The following ESR1 variants were observed in gnomAD, a reference collection of about 807,000 sequenced individuals.
ESR1 encodes the protein estrogen receptor 1.
Under a neutral mutation model 52.7 loss-of-function variants are expected in ESR1, and 12 were observed. The ratio of observed to expected loss-of-function variants is 0.23; its 90% CI spans 0.15 to 0.37. The LOEUF is 0.37. ESR1 is among the 10% of genes least tolerant of loss of function. The probability of loss-of-function intolerance (pLI) is 1.00; values close to 1 mark genes in which losing one functional copy is unlikely to be tolerated. For synonymous variants in ESR1, 305 were observed against 316.8 expected (o/e 0.96, Z 0.39); for missense variants, 584 against 779.7 (o/e 0.75, Z 2.99).
chr6:151,822,578 T>C (rs1562443110), intron 1 of ESR1, among the ~76,000 whole-genome samples: 1 of 152,172 alleles, frequency 6.6e-6, no homozygotes, highest in African/African-American at 2.4e-5. Context: ...TCATTTTAAA[T>C]CTTCCCGAAG....
intron 6 of ESR1, among the ~76,000 whole-genome samples, chr6:152,084,960 A>G (rs1033120190): frequency 2.6e-5 from 4 of 152,208 alleles, no homozygotes; most frequent in Non-Finnish European, 5.9e-5. Flanking sequence ...AGCTGATAGG[A>G]TGCACTGAAG....
intron 1 of ESR1, among the ~76,000 whole-genome samples, chr6:151,823,645 C>T (rs1248270711): frequency 1.3e-5 from 2 of 151,882 alleles, no homozygotes; most frequent in Admixed American, 6.6e-5. Context: ...CGACAGGTCC[C>T]GGAGTGTGAT....
downstream of ESR1, among the ~76,000 whole-genome samples, chr6:152,104,757 G>C (rs572421018): frequency 2.0e-5 from 3 of 152,158 alleles, no homozygotes; most frequent in East Asian, 3.9e-4. Context: ...GAATTTCCTG[G>C]GCAATAGAAA....
chr6:151,679,911 C>G (rs1778391998), intron 1 of ESR1, among the ~76,000 whole-genome samples: 1 of 152,206 alleles, frequency 6.6e-6, no homozygotes, highest in Non-Finnish European at 1.5e-5. Flanking sequence ...CTCAGTCACC[C>G]TGTCTGATCA....
intron 4 of ESR1, among the ~76,000 whole-genome samples, chr6:151,959,963 C>A (rs1274167212): frequency 6.6e-6 from 1 of 152,130 alleles, no homozygotes; most frequent in Non-Finnish European, 1.5e-5. Flanking sequence ...GTTTATAAAT[C>A]CATGGAGCCA....
At position 152,100,900 on chromosome 6, in the gene ESR1, A is replaced by G. The variant is rs995400393; in HGVS notation, c.*1934A>G. The G allele has an allele frequency of 6.1e-5, 14 of 230,924 alleles. No individual in the cohort carries two copies. The highest frequency in any genetic ancestry group is 2.7e-4 in the African/African-American group (12 of 45,236). 14.3% of individuals were successfully genotyped at this position (230,924 alleles called of 1,614,324 possible). On this transcript the variant is annotated 3_prime_UTR_variant, in exon 8 of 8. Transcript: ENST00000206249. Reference sequence around the variant, plus strand: ...TTTAAGAAGCACCTTAGTTTGTTTAAGAAGCACCTTATATAGTATAATATA... The same window carrying G: ...TTTAAGAAGCACCTTAGTTTGTTTAGGAAGCACCTTATATAGTATAATATA...
chr6:152,082,983 A>T (rs777867000), intron 6 of ESR1, among the ~76,000 whole-genome samples: 3 of 152,228 alleles, frequency 2.0e-5, no homozygotes, highest in Non-Finnish European at 4.4e-5. Context: ...CAAATGGAAG[A>T]ACATTCCATG....
intron 2 of ESR1, among the ~76,000 whole-genome samples, chr6:151,877,215 C>G (rs1033637002): frequency 5.3e-5 from 8 of 152,060 alleles, no homozygotes; most frequent in Admixed American, 3.9e-4. Context: ...CACCCACTAA[C>G]TCGTCATCTA....
chr6:151,941,673 C>A (rs1054403479), intron 3 of ESR1, among the ~76,000 whole-genome samples: 6 of 151,918 alleles, frequency 3.9e-5, no homozygotes, highest in Non-Finnish European at 8.8e-5. Context: ...TTTGGGAATA[C>A]CCCCTTGAAA....
At chr6:151,818,976 G>T (rs909452968) in intron 1 of ESR1, among the ~76,000 whole-genome samples, 1 of 152,096 alleles carries the variant, frequency 6.6e-6, no homozygotes, top group African/African-American at 2.4e-5. Context: ...CCTTGTATTT[G>T]GTTCCAATCA....
chr6:151,665,323 A>AT lies in ESR1; in HGVS notation n.73+8566dup, dbSNP rs578138117. On this transcript the variant is annotated intron_variant and non_coding_transcript_variant, in intron 1 of 2. Coordinates refer to the ESR1 transcript ENST00000473497. ...AACCTGAGCTTCATGCAGTCCGCAG[A>AT]TTTTTTAAGTGGTTTGTTTTTTAGA... is the stretch of plus-strand genomic sequence containing the variant. 1.3e-3 allele frequency among the ~76,000 whole-genome samples: 196 copies of AT among 152,274 alleles called. 4 individuals are homozygous for AT. The highest frequency in any genetic ancestry group is 0.01 in the Admixed American group (160 of 15,292).
intron 2 of ESR1, among the ~76,000 whole-genome samples, chr6:151,867,894 A>G (rs1188029256): frequency 6.6e-6 from 1 of 152,232 alleles, no homozygotes; most frequent in Non-Finnish European, 1.5e-5. Context: ...ACCCTTTGAC[A>G]TTGATTCAGA....
At position 151,924,319 on chromosome 6, in the gene ESR1, A is replaced by G. The variant is rs375978918; in HGVS notation, c.761-19854A>G. On this transcript the variant is annotated intron_variant, in intron 3 of 7. Transcript: ENST00000206249. ...GCCTCCCAAAGTGCTGGGATTACAG[A>G]CATAAGCCACGGCGTCCGGCCTGCA... 3.4e-4 allele frequency among the ~76,000 whole-genome samples: 52 copies of G among 152,250 alleles called. No homozygotes were observed. The East Asian group carries it at 6.2e-3, about 18-fold the overall frequency.
intron 2 of ESR1, among the ~76,000 whole-genome samples, chr6:151,737,348 C>T (rs1386248197): frequency 6.6e-6 from 1 of 152,130 alleles, no homozygotes; most frequent in Non-Finnish European, 1.5e-5. Flanking sequence ...GCCAATTGTC[C>T]TCAAGAAACA....
intron 6 of ESR1, among the ~76,000 whole-genome samples, chr6:152,076,289 C>A (rs2048725875): frequency 6.6e-6 from 1 of 152,184 alleles, no homozygotes; most frequent in Admixed American, 6.5e-5. Context: ...ATATCTTCCT[C>A]ATTTTTTCTC....
chr6:151,675,780 G>T (rs778588233), intron 1 of ESR1, among the ~76,000 whole-genome samples: 2 of 152,164 alleles, frequency 1.3e-5, no homozygotes, highest in Non-Finnish European at 2.9e-5. Flanking sequence ...TTTGAGACCC[G>T]TAAGTCAAGC....
chr6:151,899,287 G>A (rs1222559281), intron 3 of ESR1, among the ~76,000 whole-genome samples: 1 of 132,718 alleles, frequency 7.5e-6, no homozygotes, highest in African/African-American at 2.9e-5. Context: ...CGGGGCGGCT[G>A]GCCGGGCGGG....
chr6:151,755,797 C>A (rs1332962574), intron 2 of ESR1, among the ~76,000 whole-genome samples: 3 of 151,890 alleles, frequency 2.0e-5, no homozygotes, highest in African/African-American at 7.3e-5. Context: ...TGCCCAGCTA[C>A]TTTTTGTATT....
At chr6:151,795,692 G>A (rs551309626) in intron 2 of ESR1, among the ~76,000 whole-genome samples, 13 of 152,150 alleles carry the variant, frequency 8.5e-5, no homozygotes, top group South Asian at 6.2e-4. Context: ...AATTAACACC[G>A]CACATATTTA....
Sources: gnomAD v4.1 joint callset for allele counts (sites outside exome capture counted in the v4.1 genomes callset) on GRCh38, gnomAD v4.1.1 for gene constraint, MANE v1.5 for transcripts, NCBI Gene and HGNC (gene_info 2026-07-23, HGNC 2026-07-21) for gene names.